The following SLC30A5 variants were observed in gnomAD, a reference collection of about 807,000 sequenced individuals.
SLC30A5 encodes the protein solute carrier family 30 member 5.
SLC30A5 carries 33 observed loss-of-function variants against 79.6 expected under a neutral mutation model. The ratio of observed to expected loss-of-function variants is 0.41; its 90% confidence interval spans 0.31 to 0.55. The LOEUF (loss-of-function observed/expected upper bound fraction) is 0.55. Among genes scored for constraint, SLC30A5 ranks in the 20% least tolerant of loss-of-function variants. The pLI is 0.20. For missense variants in SLC30A5, 788 were observed against 928.1 expected (o/e 0.85, Z 1.96); for synonymous variants, 299 against 319.7 (o/e 0.94, Z 0.69).
At position 69,116,185 on chromosome 5, in the gene SLC30A5, T is replaced by C; in HGVS notation, c.1043T>C (p.Val348Ala). Residue 348 changes from valine (V) to alanine (A), a missense_variant, in exon 9 of 16, where the codon GTG (valine) becomes GCG (alanine). Physicochemically the swap from Val to Ala is moderately conservative, Grantham distance 64. Around this residue, in one of 3 missense-constraint regions of SLC30A5, gnomAD observed 626 missense variants for 755.5 expected, o/e 0.83. Transcript: ENST00000396591. This position sits in a 1 kb window ranked among gnomAD's most constrained non-coding sequence, Gnocchi z 4.0. ...ACTGAACACGTCCTGTCTGGAGGAG[T>C]GGTAGTGAGTGCTATATTCTTCATT... is the stretch of plus-strand genomic sequence containing the variant. ...ESTEHVLSGG[V>A]VVSAIFFILS... 2 of 1,611,762 alleles carry C rather than the reference T, an allele frequency of 1.2e-6. No individual in the cohort carries two copies.
chr5:69,095,358 G>A (rs1181964706), intron 1 of SLC30A5, among the ~76,000 whole-genome samples: 2 of 151,964 alleles, frequency 1.3e-5, no homozygotes, highest in East Asian at 1.9e-4. Context: ...ACTCCACCAC[G>A]CCTGGCTAAT....
At chr5:69,127,473 C>CAA (rs70989993) in intron 14 of SLC30A5, among the ~76,000 whole-genome samples, 16,095 of 76,064 alleles carry the variant, frequency 0.21, 1,059 homozygotes, top group East Asian at 0.3. Flanking sequence ...TACTAAAATA[C>CAA]AAAAAAAAAA....
At chr5:69,108,494 C>T (rs972893807) in intron 5 of SLC30A5, 58 bp downstream of exon 5, 22 of 1,218,230 alleles carry the variant, frequency 1.8e-5, no homozygotes, top group Non-Finnish European at 2.7e-5. Flanking sequence ...CACATATTAT[C>T]CAAAGGAATA....
At chr5:69,114,743 T>C (rs558475876) in intron 7 of SLC30A5, among the ~76,000 whole-genome samples, 26 of 152,118 alleles carry the variant, frequency 1.7e-4, no homozygotes, top group Non-Finnish European at 2.9e-4. Flanking sequence ...CACATGCCTG[T>C]AATCCCAGCT....
chr5:69,115,344 A>G lies in SLC30A5; in HGVS notation c.720A>G (p.Leu240=). The G allele has an allele frequency of 6.2e-7, 1 of 1,614,026 alleles. No individual in the cohort carries two copies. The highest frequency in any genetic ancestry group is 8.5e-7 in the Non-Finnish European group (1 of 1,179,998). Reference sequence around the variant, plus strand: ...GTGGAGCTAAACGTCTTCAAGCTTTATCTCATCTTGTTTCTGTGCTTCTCT... The same window carrying G: ...GTGGAGCTAAACGTCTTCAAGCTTTGTCTCATCTTGTTTCTGTGCTTCTCT... The part of the protein sequence containing the change: ...DVGGAKRLQA[L]SHLVSVLLLC... Residue 240 remains leucine, a synonymous_variant, in exon 8 of 16, where the codon TTA becomes TTG. Transcript: ENST00000396591.
At chr5:69,096,271 A>C (rs1171979759) in intron 1 of SLC30A5, among the ~76,000 whole-genome samples, 1 of 152,226 alleles carries the variant, frequency 6.6e-6, no homozygotes, top group East Asian at 1.9e-4. Context: ...AGGACGATAC[A>C]TTAACAATTA....
At chr5:69,114,376 G>C (rs776989788) in intron 6 of SLC30A5, 44 bp from the exon 7 acceptor site, 1 of 1,152,466 alleles carries the variant, frequency 8.7e-7, no homozygotes, top group Non-Finnish European at 1.3e-6. Context: ...AGGTGTCAAA[G>C]AGTGACTTTT....
chr5:69,118,633 G>T lies in SLC30A5; in HGVS notation c.1569+5G>T. 1 of 1,562,860 alleles carries T rather than the reference G, an allele frequency of 6.4e-7. No homozygotes were observed. The highest frequency in any genetic ancestry group is 2.4e-5 in the East Asian group (1 of 42,052). ...TTAGACACTCACATGTTAACAGTAAGTCTTTTTATTTTCCTATTTGGATTT... is the reference window on the plus strand; with the variant it reads ...TTAGACACTCACATGTTAACAGTAATTCTTTTTATTTTCCTATTTGGATTT... On this transcript the variant is annotated splice_donor_5th_base_variant and intron_variant, in intron 12 of 15. Transcript: ENST00000396591.
At chr5:69,100,953 C>A in intron 2 of SLC30A5, 24 bp downstream of exon 2, 1 of 1,509,470 alleles carries the variant, frequency 6.6e-7, no homozygotes, top group Non-Finnish European at 8.9e-7. Context: ...GGGGTTTTTT[C>A]TTGATATTTT....
chr5:69,120,899 T>C (rs1746518205), intron 12 of SLC30A5, among the ~76,000 whole-genome samples: 1 of 152,256 alleles, frequency 6.6e-6, no homozygotes, highest in African/African-American at 2.4e-5. Context: ...TTCAAGATCA[T>C]TTTGTAAGAG....
chr5:69,118,325 G>GTATA (rs755334727), intron 11 of SLC30A5, 174 bp from the exon 12 acceptor site: 19 of 192,164 alleles, frequency 9.9e-5, no homozygotes, highest in Middle Eastern at 4.1e-3. Flanking sequence ...ATATATATAT[G>GTATA]TATATATATA....
intron 4 of SLC30A5, among the ~76,000 whole-genome samples, chr5:69,107,915 T>C (rs760245708): frequency 5.9e-5 from 9 of 152,150 alleles, no homozygotes; most frequent in Non-Finnish European, 1.2e-4. Flanking sequence ...GTATTTTTAG[T>C]AGAGATGGGG....
At chr5:69,118,801 C>CTTTTT (rs35781175) in intron 12 of SLC30A5, among the ~76,000 whole-genome samples, 173 bp downstream of exon 12, 2 of 97,322 alleles carry the variant, frequency 2.1e-5, no homozygotes, top group South Asian at 3.5e-4. Flanking sequence ...TAGAAATTCT[C>CTTTTT]TTTTTTTTTT....
At chr5:69,094,776 G>A (rs1745672977) in intron 1 of SLC30A5, among the ~76,000 whole-genome samples, 1 of 152,102 alleles carries the variant, frequency 6.6e-6, no homozygotes, top group South Asian at 2.1e-4. Context: ...GAACTTGGAT[G>A]TTCAGGGGAA....
chr5:69,104,702 T>C lies in SLC30A5; in HGVS notation c.345T>C (p.Leu115=), dbSNP rs1247706883. ...TCTTGTGGTTTTTTGGCCTCACTCT[T>C]TGTGGACCACTAAGGTAAATAAAAA... ...ISLLWFFGLT[L]CGPLRTLLLF... Residue 115 remains leucine (L), a synonymous_variant, in exon 4 of 16, where the codon CTT becomes CTC. Transcript: ENST00000396591. The C allele has an allele frequency of 6.3e-7, 1 of 1,597,448 alleles. No homozygotes were observed. The highest frequency in any genetic ancestry group is 2.3e-5 in the East Asian group (1 of 44,168).
chr5:69,106,343 T>A (rs565802606), intron 4 of SLC30A5, among the ~76,000 whole-genome samples: 1 of 152,306 alleles, frequency 6.6e-6, no homozygotes, highest in African/African-American at 2.4e-5. Flanking sequence ...TCTGTAATAT[T>A]TTAAATTTGT....
chr5:69,124,893 AAGAT>A (rs1746633761), intron 14 of SLC30A5, among the ~76,000 whole-genome samples: 2 of 152,198 alleles, frequency 1.3e-5, no homozygotes, highest in African/African-American at 4.8e-5. Flanking sequence ...TATAATCACA[AAGAT>A]AGGGAAAGAC....
intron 2 of SLC30A5, among the ~76,000 whole-genome samples, chr5:69,102,057 T>C (rs1745939863): frequency 1.1e-5 from 1 of 93,410 alleles, no homozygotes; most frequent in Non-Finnish European, 2.6e-5. Flanking sequence ...GTGCTTTTTT[T>C]TTTTTTTTTT....
At position 69,121,716 on chromosome 5, in the gene SLC30A5, T is replaced by C; in HGVS notation, c.1592T>C (p.Ile531Thr). The stretch of plus-strand genomic sequence containing the variant: ...TAGCCAGTCTCAGTTGGAGGGCTGA[T>C]AGTAAACCTTATTGGTATCTGTGCC... ...MLTPVSVGGL[I>T]VNLIGICAFS... The change falls in exon 13 of 16, where the codon ATA becomes ACA. Residue 531 changes from isoleucine to threonine, a missense_variant. By Grantham distance (89) the Ile-to-Thr change is moderately conservative. This residue lies in a region of SLC30A5 where 626 missense variants were observed against 755.5 expected (regional missense o/e 0.83). Coordinates refer to ENST00000396591, the MANE Select transcript of SLC30A5 (RefSeq NM_022902.5). The C allele has an allele frequency of 7.4e-6, 12 of 1,613,272 alleles. No homozygotes were observed. Among genetic ancestry groups the C allele is most frequent in the East Asian group, 2.2e-5 (1 of 44,870 alleles).
Sources: gnomAD v4.1 joint callset for allele counts (sites outside exome capture counted in the v4.1 genomes callset) on GRCh38, gnomAD v4.1.1 for gene constraint, gnomAD v4.1.1 regional missense constraint, Gnocchi (gnomAD v3.1) non-coding constraint, MANE v1.5 for transcripts, NCBI Gene and HGNC (gene_info 2026-07-23, HGNC 2026-07-21) for gene names.